Variants in SCAI observed in about 807,000 individuals in gnomAD.
SCAI encodes the protein protein SCAI.
Under a neutral mutation model 92.2 loss-of-function variants are expected in SCAI, and 24 were observed. The ratio of observed to expected loss-of-function variants is 0.26; its 90% CI spans 0.19 to 0.37. The LOEUF (loss-of-function observed/expected upper bound fraction) is 0.37. Among genes scored for constraint, SCAI ranks in the 10% least tolerant of loss-of-function variants. The pLI is 1.00. For synonymous variants in SCAI, 261 were observed against 258.6 expected (o/e 1.01, Z -0.09); for missense variants, 450 against 736.2 (o/e 0.61, Z 4.50).
At chr9:125,136,113 AC>A (rs1835520092) in intron 2 of SCAI, among the ~76,000 whole-genome samples, 1 of 149,436 alleles carries the variant, frequency 6.7e-6, no homozygotes, top group East Asian at 2.0e-4. Flanking sequence ...CAATTAACTT[AC>A]CTTTTTTTTT....
chr9:125,022,268 C>T (rs1257145665), intron 6 of SCAI, among the ~76,000 whole-genome samples: 1 of 152,148 alleles, frequency 6.6e-6, no homozygotes, highest in African/African-American at 2.4e-5. Context: ...TTGTTCCTTT[C>T]ATCAGAGTAA....
intron 6 of SCAI, among the ~76,000 whole-genome samples, chr9:125,023,138 C>A (rs1186506916): frequency 6.6e-6 from 1 of 152,084 alleles, no homozygotes; most frequent in Non-Finnish European, 1.5e-5. Flanking sequence ...ATGATTACTG[C>A]CCCATCAAAT....
At chr9:124,964,694 C>G (rs1396181847) in intron 17 of SCAI, among the ~76,000 whole-genome samples, 3 of 152,194 alleles carry the variant, frequency 2.0e-5, no homozygotes, top group Non-Finnish European at 4.4e-5. Flanking sequence ...TCTGGACAGC[C>G]ACGGCATTGC....
Position 124,999,920 on chromosome 9 carries a change from T to C in SCAI, c.1215A>G (p.Lys405=). 1.3e-6 allele frequency: 2 copies of C among 1,592,994 alleles called. No homozygotes were observed. Among genetic ancestry groups the C allele is most frequent in the East Asian group, 4.5e-5 (2 of 44,106 alleles). ...RDIINGDAIH[K]RNQSHKEMHC... Reference sequence around the variant, plus strand: ...GCATTTCCTTGTGGGACTGATTTCGTTTGTGGATGGCATCTCCATTAATAA... The same window carrying C: ...GCATTTCCTTGTGGGACTGATTTCGCTTGTGGATGGCATCTCCATTAATAA... The change falls in exon 13 of 18, where the codon AAA becomes AAG. Residue 405 remains lysine, a synonymous_variant. Coordinates refer to ENST00000336505, the MANE Select transcript of SCAI (RefSeq NM_001144877.3).
intron 2 of SCAI, among the ~76,000 whole-genome samples, chr9:125,064,781 G>A (rs145131700): frequency 8.5e-5 from 13 of 152,322 alleles, no homozygotes; most frequent in African/African-American, 3.1e-4. Flanking sequence ...AGGAGGCGGA[G>A]GTTGCAGTGA....
intron 2 of SCAI, among the ~76,000 whole-genome samples, chr9:125,062,625 C>T (rs143195132): frequency 6.6e-6 from 1 of 151,468 alleles, no homozygotes; most frequent in Admixed American, 6.6e-5. Context: ...TGTGGTGGCA[C>T]ACGCCTGTAA....
intron 2 of SCAI, among the ~76,000 whole-genome samples, chr9:125,101,457 G>A (rs1834676629): frequency 6.6e-6 from 1 of 152,174 alleles, no homozygotes; most frequent in African/African-American, 2.4e-5. Context: ...GATAAGACAA[G>A]GTGAAGAATG....
intron 15 of SCAI, among the ~76,000 whole-genome samples, chr9:124,975,820 C>A (rs536741184): frequency 1.3e-5 from 2 of 152,200 alleles, no homozygotes; most frequent in East Asian, 3.9e-4. Flanking sequence ...CAAATCAAAA[C>A]AAACACCTAT....
At chr9:124,962,200 C>T (rs1317637714) in intron 17 of SCAI, among the ~76,000 whole-genome samples, 2 of 145,842 alleles carry the variant, frequency 1.4e-5, no homozygotes, top group Non-Finnish European at 3.0e-5. Context: ...TGCTCTGTCG[C>T]CCAGGCTGGA....
intron 2 of SCAI, among the ~76,000 whole-genome samples, chr9:125,097,346 T>C (rs1242273081): frequency 1.3e-5 from 2 of 152,012 alleles, no homozygotes; most frequent in African/African-American, 2.4e-5. Context: ...GACAGGAGAA[T>C]TGCTTGAACT....
chr9:124,952,432 C>T lies in SCAI; in HGVS notation c.*375G>A, dbSNP rs1194008654. The T allele has an allele frequency of 6.2e-6, 1 of 160,836 alleles. No homozygotes were observed. The highest frequency in any genetic ancestry group is 1.3e-5 in the Non-Finnish European group (1 of 74,244). The allele number at this position is 160,836 out of a possible 1,614,324, so 10.0% of individuals were successfully genotyped here. A position where few individuals can be genotyped will look rare whatever the true frequency, so the allele number is the denominator to read the frequency against. The stretch of plus-strand genomic sequence containing the variant: ...CATCATTATGAACCATTACATATTT[C>T]CAAATCCAGACATTTAACTTAGGTC... On this transcript the variant is annotated 3_prime_UTR_variant, in exon 18 of 18. Transcript: ENST00000336505.
In SCAI at chr9:124,948,235, C is replaced by G. The variant is rs925642105; in HGVS notation, c.*4572G>C. On this transcript the variant is annotated 3_prime_UTR_variant, in exon 18 of 18. Transcript: ENST00000336505. ...TGGAGGGGAGGGAACCACCCGGATCCTCTATCAGGAAAACTCCAGCCACAA... is the reference window on the plus strand; with the variant it reads ...TGGAGGGGAGGGAACCACCCGGATCGTCTATCAGGAAAACTCCAGCCACAA... 2.0e-5 allele frequency: 3 copies of G among 152,284 alleles called. No individual in the cohort carries two copies. The highest frequency in any genetic ancestry group is 7.2e-5 in the African/African-American group (3 of 41,546). The allele number at this position is 152,284 out of a possible 1,614,324, so 9.4% of individuals were successfully genotyped here.
intron 14 of SCAI, among the ~76,000 whole-genome samples, chr9:124,992,608 T>C (rs1458234190): frequency 6.6e-6 from 1 of 151,220 alleles, no homozygotes; most frequent in Non-Finnish European, 1.5e-5. Context: ...GGTTTTGAAC[T>C]CCTGACCCCA....
At chr9:125,123,442 G>A (rs1348690468) in intron 2 of SCAI, among the ~76,000 whole-genome samples, 1 of 151,710 alleles carries the variant, frequency 6.6e-6, no homozygotes, top group Non-Finnish European at 1.5e-5. Flanking sequence ...ATCTATACAT[G>A]ATGACTCTAT....
In SCAI at chr9:125,060,588, A is replaced by AG. The variant is rs796984650; in HGVS notation, c.99-4582dup. On this transcript the variant is annotated intron_variant, in intron 2 of 17. Transcript: ENST00000336505. Reference sequence around the variant, plus strand: ...TGTGTTGTGGGAGGGAACCACGGGGAGGTAATTGAATCATGGGGCCATCTT... The same window carrying AG: ...TGTGTTGTGGGAGGGAACCACGGGGAGGGTAATTGAATCATGGGGCCATCTT... 7.4e-4 allele frequency among the ~76,000 whole-genome samples: 113 copies of AG among 152,248 alleles called. 2 individuals carry two copies. The highest frequency in any genetic ancestry group is 2.2e-3 in the African/African-American group (90 of 41,560).
chr9:125,073,075 T>G (rs1319403906), intron 2 of SCAI, among the ~76,000 whole-genome samples: 1 of 149,918 alleles, frequency 6.7e-6, no homozygotes, highest in Non-Finnish European at 1.5e-5. Flanking sequence ...CTGGATCATA[T>G]GAGGATTCTA....
At chr9:125,023,097 A>G (rs1832902875) in intron 6 of SCAI, among the ~76,000 whole-genome samples, 1 of 152,116 alleles carries the variant, frequency 6.6e-6, no homozygotes, top group Non-Finnish European at 1.5e-5. Context: ...GCTCCATTTT[A>G]TTTTAATAAT....
chr9:125,133,743 C>CAA (rs142040487), intron 2 of SCAI, among the ~76,000 whole-genome samples: 13 of 145,840 alleles, frequency 8.9e-5, no homozygotes, highest in Non-Finnish European at 1.8e-4. Flanking sequence ...GTTCAAAAAA[C>CAA]AAAAAAAAAA....
chr9:125,125,899 TGCGTAC>T (rs1225974359), intron 2 of SCAI, among the ~76,000 whole-genome samples: 4 of 116,070 alleles, frequency 3.4e-5, no homozygotes, highest in African/African-American at 1.4e-4. Flanking sequence ...CATGCATGCG[TGCGTAC>T]ACGTACACAC....
Sources: gnomAD v4.1 joint callset for allele counts (sites outside exome capture counted in the v4.1 genomes callset) on GRCh38, gnomAD v4.1.1 for gene constraint, MANE v1.5 for transcripts, NCBI Gene and HGNC (gene_info 2026-07-23, HGNC 2026-07-21) for gene names.